COPS3: variants seen among roughly 807,000 people sequenced by gnomAD.
COPS3 encodes COP9 signalosome complex subunit 3.
A neutral mutation model predicts 58.2 loss-of-function variants in COPS3; 10 were observed. That is an observed-to-expected ratio of 0.17 (90% CI 0.11 to 0.29). The LOEUF is 0.29. COPS3 is among the 10% of genes least tolerant of loss of function. The pLI is 1.00. For missense variants in COPS3, 333 were observed against 510.1 expected (o/e 0.65, Z 3.34); for synonymous variants, 187 against 181.7 (o/e 1.03, Z -0.24).
chr17:17,280,557 A>C, intron 1 of COPS3: 1 of 1,265,208 alleles, frequency 7.9e-7, no homozygotes, highest in Admixed American at 2.6e-5. Context: ...AACAAAGAAG[A>C]AGAAATGGAG....
intron 8 of COPS3, among the ~76,000 whole-genome samples, chr17:17,259,613 G>A (rs1382313905): frequency 6.6e-6 from 1 of 152,178 alleles, no homozygotes; most frequent in East Asian, 1.9e-4. Context: ...TGTTCTCATT[G>A]GCTGGGTGCG....
In COPS3 at chr17:17,248,998, G is replaced by T. The variant is rs776324980; in HGVS notation, c.1065C>A (p.Asp355Glu). ...GEIFASINQK[D>E]GMVSFHDNPE... is the part of the protein sequence containing the mutation. ...GGTTATCATGGAAACTGACCATACC[G>T]TCCTTCTGGTTAATACTTGCAAAAA... Residue 355 changes from aspartate (D) to glutamate (E), a missense_variant, in exon 10 of 12, where the codon GAC (aspartate) becomes GAA (glutamate). Transcript: ENST00000268717. 1 of 1,608,114 alleles carries T rather than the reference G, an allele frequency of 6.2e-7. No homozygotes were observed. Among genetic ancestry groups the T allele is most frequent in the Non-Finnish European group, 8.5e-7 (1 of 1,178,044 alleles).
chr17:17,275,647 T>C (rs1473616937), intron 2 of COPS3, among the ~76,000 whole-genome samples: 1 of 152,064 alleles, frequency 6.6e-6, no homozygotes, highest in African/African-American at 2.4e-5. Flanking sequence ...AATAAATAAA[T>C]AAAAATAAAG....
intron 8 of COPS3, among the ~76,000 whole-genome samples, chr17:17,255,580 C>CT (rs2047953806): frequency 2.0e-5 from 3 of 151,336 alleles, no homozygotes; most frequent in Admixed American, 2.0e-4. Flanking sequence ...TGGCTCACAC[C>CT]TGTAATCCCA....
chr17:17,260,542 G>A lies in COPS3; in HGVS notation c.763-68C>T, dbSNP rs867743885. On this transcript the variant is annotated intron_variant, in intron 7 of 11. Transcript: ENST00000268717. ...GAAGAGGCCAGGTGTGGGGACTCAC[G>A]CCTGTAATCTCAACACTTTGGGAGG... The A allele has an allele frequency of 1.5e-5, 22 of 1,471,226 alleles. No homozygotes were observed. In the Middle Eastern group the frequency reaches 1.6e-3, roughly 106 times the overall value. The allele number at this position is 1,471,226 out of a possible 1,614,324, so 91.1% of individuals were successfully genotyped here.
At chr17:17,261,086 C>T (rs2048088678) in intron 7 of COPS3, among the ~76,000 whole-genome samples, 1 of 152,194 alleles carries the variant, frequency 6.6e-6, no homozygotes, top group African/African-American at 2.4e-5. Flanking sequence ...TTAGTGAAGG[C>T]ACACGTCTTC....
At chr17:17,251,192 C>T (rs1293516562) in intron 9 of COPS3, among the ~76,000 whole-genome samples, 2 of 152,052 alleles carry the variant, frequency 1.3e-5, no homozygotes, top group African/African-American at 4.8e-5. Flanking sequence ...GACGGGGTTT[C>T]ACTATGTTAG....
rs2047889619 is a variant in COPS3, at chr17:17,253,185, C to T, written c.1023+1674G>A. 2.6e-5 allele frequency among the ~76,000 whole-genome samples: 4 copies of T among 152,118 alleles called. No individual in the cohort carries two copies. The South Asian group carries it at 6.2e-4, about 24-fold the overall frequency. On this transcript the variant is annotated intron_variant, in intron 9 of 11. Transcript: ENST00000268717. The stretch of plus-strand genomic sequence containing the variant: ...AGGCTGCAGTGAGCCATGATTACGC[C>T]ACTGCACTCCAGCCTGGGCAACACA...
At chr17:17,262,586 CG>C (rs1567853713) in intron 6 of COPS3, among the ~76,000 whole-genome samples, 1 of 151,656 alleles carries the variant, frequency 6.6e-6, no homozygotes, top group Admixed American at 6.6e-5. Context: ...AAAAATTAGC[CG>C]GGTGTGGTGG....
At chr17:17,247,635 C>A in intron 10 of COPS3, 75 bp from the exon 11 acceptor site, 1 of 1,415,914 alleles carries the variant, frequency 7.1e-7, no homozygotes, top group South Asian at 1.2e-5. Context: ...TTACACTGTT[C>A]ACAAGGGTGC....
At chr17:17,273,373 T>C (rs1026025967) in intron 2 of COPS3, among the ~76,000 whole-genome samples, 1 of 152,200 alleles carries the variant, frequency 6.6e-6, no homozygotes, top group African/African-American at 2.4e-5. Context: ...CACAGGTTTG[T>C]AACATTTCCA....
chr17:17,267,873 T>C lies in COPS3; in HGVS notation c.441+12A>G. The stretch of plus-strand genomic sequence containing the variant: ...TCTGACTTGGTGTGAATCACACACT[T>C]TGGTTGCTTACCTGGCAGAGATCAG... On this transcript the variant is annotated intron_variant, in intron 5 of 11. Coordinates refer to ENST00000268717, the MANE Select transcript of COPS3 (RefSeq NM_003653.4). The C allele has an allele frequency of 1.9e-6, 3 of 1,612,732 alleles. No homozygotes were observed. Among genetic ancestry groups the C allele is most frequent in the Non-Finnish European group, 2.5e-6 (3 of 1,179,184 alleles).
intron 7 of COPS3, chr17:17,261,559 TATAAC>T (rs532605910): frequency 9.7e-5 from 32 of 330,304 alleles, no homozygotes; most frequent in Middle Eastern, 2.1e-3. Context: ...AAATGAAAAA[TATAAC>T]AAAACAAAAT....
At chr17:17,276,202 A>G (rs368595947) in intron 1 of COPS3, 38 bp from the exon 2 acceptor site, 9 of 1,609,082 alleles carry the variant, frequency 5.6e-6, no homozygotes, top group Non-Finnish European at 7.6e-6. Flanking sequence ...TTTCAGCTAC[A>G]GCACTAACCA....
chr17:17,272,919 C>G (rs747320194), intron 2 of COPS3, among the ~76,000 whole-genome samples: 75 of 152,268 alleles, frequency 4.9e-4, no homozygotes, highest in Non-Finnish European at 9.3e-4. Flanking sequence ...GAAAAAGTAT[C>G]AAAGATCCAA....
At chr17:17,270,461 T>G (rs970098305) in intron 4 of COPS3, among the ~76,000 whole-genome samples, 1 of 151,968 alleles carries the variant, frequency 6.6e-6, no homozygotes, top group African/African-American at 2.4e-5. Context: ...AAAGAAAAAA[T>G]GTAACAGACA....
intron 1 of COPS3, among the ~76,000 whole-genome samples, chr17:17,277,542 C>T (rs373735140): frequency 6.6e-6 from 1 of 152,222 alleles, no homozygotes; most frequent in East Asian, 1.9e-4. Context: ...CTTAGCCTCC[C>T]GAGTAGCTGG....
Position 17,260,316 on chromosome 17 carries a change from A to G in COPS3, c.921T>C (p.Ile307=), listed in dbSNP as rs151026691. ...CTTTCCTCACCTTTGTTAGCCTCTG[A>G]ATATTCTTCTTATAAAGAGATGACA... ...QCLSSLYKKN[I]QRLTKTFLTL... The change falls in exon 8 of 12, where the codon ATT becomes ATC. Residue 307 remains isoleucine, a synonymous_variant. Coordinates refer to ENST00000268717, the MANE Select transcript of COPS3 (RefSeq NM_003653.4). 29 of 1,613,822 alleles carry G rather than the reference A, an allele frequency of 1.8e-5. No individual in the cohort carries two copies. The African/African-American group carries it at 3.7e-4, about 21-fold the overall frequency.
At chr17:17,273,771 G>C (rs1354359526) in intron 2 of COPS3, among the ~76,000 whole-genome samples, 1 of 152,224 alleles carries the variant, frequency 6.6e-6, no homozygotes, top group Non-Finnish European at 1.5e-5. Flanking sequence ...AAGATCACTT[G>C]AGTCCATGAG....
Sources: allele counts gnomAD v4.1 joint callset (sites outside exome capture counted in the v4.1 genomes callset), GRCh38; gene constraint gnomAD v4.1.1; transcripts MANE v1.5; gene names NCBI Gene and HGNC (gene_info 2026-07-23, HGNC 2026-07-21).